The following DCDC1 variants were observed in gnomAD, a reference collection of about 807,000 sequenced individuals.
The protein encoded by DCDC1 is doublecortin domain-containing protein 1.
In DCDC1, 200 loss-of-function variants were observed where a neutral mutation model predicts 178.3. The ratio of observed to expected loss-of-function variants is 1.12; its 90% CI spans 1.00 to 1.26. The LOEUF (loss-of-function observed/expected upper bound fraction) is 1.26. DCDC1 is among the 50% of genes most tolerant of loss of function. The pLI is 0.00. For synonymous variants in DCDC1, 690 were observed against 604.8 expected, an observed-to-expected ratio of 1.14 and a Z score of -2.07; for missense variants, 1,983 against 1,749.2, an observed-to-expected ratio of 1.13 and a Z score of -2.38.
chr11:31,308,009 A>G, intron 3 of DCDC1, 101 bp from the exon 4 acceptor site: 1 of 1,447,164 alleles, frequency 6.9e-7, no homozygotes, highest in Middle Eastern at 1.9e-4. Flanking sequence ...GCTACACAAA[A>G]TACTACACAC....
At chr11:31,036,282 C>T (rs288468) in intron 20 of DCDC1, among the ~76,000 whole-genome samples, 78,210 of 151,994 alleles carry the variant, frequency 0.51, 20,777 homozygotes, top group African/African-American at 0.66. Flanking sequence ...TTGAGAAAGG[C>T]AAAAACTGTT....
chr11:30,873,277 G>A (rs140758385), intron 38 of DCDC1, among the ~76,000 whole-genome samples: 3 of 143,250 alleles, frequency 2.1e-5, no homozygotes, highest in Non-Finnish European at 4.5e-5. Flanking sequence ...CAAGAGGCAA[G>A]GAAAAATTTA....
intron 1 of DCDC1, among the ~76,000 whole-genome samples, chr11:31,362,031 T>G (rs966254077): frequency 1.3e-5 from 2 of 152,182 alleles, no homozygotes; most frequent in Non-Finnish European, 2.9e-5. Flanking sequence ...TACCTCTTCT[T>G]TTGCAGGATT....
intron 1 of DCDC1, among the ~76,000 whole-genome samples, chr11:31,354,365 T>G (rs868763799): frequency 6.6e-6 from 1 of 152,256 alleles, no homozygotes; most frequent in Non-Finnish European, 1.5e-5. Flanking sequence ...ATGTGAGTAC[T>G]GCAAAAGGAA....
At chr11:31,355,783 G>C (rs962361242) in intron 1 of DCDC1, among the ~76,000 whole-genome samples, 1 of 152,042 alleles carries the variant, frequency 6.6e-6, no homozygotes, top group Non-Finnish European at 1.5e-5. Flanking sequence ...TGGCCAGGCC[G>C]GTCTCGAGCT....
chr11:31,356,493 C>A (rs1266186652), intron 1 of DCDC1, among the ~76,000 whole-genome samples: 1 of 151,486 alleles, frequency 6.6e-6, no homozygotes, highest in African/African-American at 2.4e-5. Context: ...AGGAAAGATC[C>A]AAAATTGACA....
At chr11:31,094,385 G>C (rs576907542) in intron 15 of DCDC1, among the ~76,000 whole-genome samples, 1 of 152,258 alleles carries the variant, frequency 6.6e-6, no homozygotes, top group South Asian at 2.1e-4. Context: ...ACCCTATGCT[G>C]TGTGGTGTGG....
intron 1 of DCDC1, among the ~76,000 whole-genome samples, chr11:31,344,632 T>C (rs1950723804): frequency 6.6e-6 from 1 of 152,232 alleles, no homozygotes; most frequent in Admixed American, 6.5e-5. Context: ...TGTCAGCTAC[T>C]GGAGAACAGA....
At position 30,952,459 on chromosome 11, in the gene DCDC1, C is replaced by A; in HGVS notation, c.2701G>T (p.Gly901Cys). The change falls in exon 21 of 39, where the codon GGC becomes TGC. Residue 901 changes from glycine (G) to cysteine (C), a missense_variant. By Grantham distance (159) the Gly-to-Cys change is radical. Coordinates refer to ENST00000684477, the MANE Select transcript of DCDC1 (RefSeq NM_001387274.1). Reference sequence around the variant, plus strand: ...AGCAACACAACCTCATTAAGTTGGCCACTGGGAAGGACAGGCCACATGTAG... The same window carrying A: ...AGCAACACAACCTCATTAAGTTGGCAACTGGGAAGGACAGGCCACATGTAG... ...LTYMWPVLPS[G>C]QLNEEFDWPI... The A allele has an allele frequency of 6.4e-7, 1 of 1,567,198 alleles. No homozygotes were observed. The highest frequency in any genetic ancestry group is 8.6e-7 in the Non-Finnish European group (1 of 1,158,936).
Position 31,324,311 on chromosome 11 carries a change from G to GAA in DCDC1, c.164+3804_164+3805dup, listed in dbSNP as rs202004473. ...GGGGCATAAATCATTCCACCCAAAG[G>GAA]AAAAAAAAAAGGTTTTTTACTTGTG... On this transcript the variant is annotated intron_variant, in intron 3 of 38. Coordinates refer to ENST00000684477, the MANE Select transcript of DCDC1 (RefSeq NM_001387274.1). 2.1e-5 allele frequency among the ~76,000 whole-genome samples: 3 copies of GAA among 140,054 alleles called. No homozygotes were observed. In the East Asian group the frequency reaches 6.1e-4, roughly 29 times the overall value. 91.9% of individuals were successfully genotyped at this position (140,054 alleles called of 152,430 possible).
At chr11:30,989,228 G>T (rs290110) in intron 20 of DCDC1, among the ~76,000 whole-genome samples, 3,499 of 152,268 alleles carry the variant, frequency 0.023, 145 homozygotes, top group African/African-American at 0.08. Context: ...GTTAAATGAG[G>T]GGAATGCTTT....
intron 20 of DCDC1, among the ~76,000 whole-genome samples, chr11:30,988,508 A>G (rs1379951135): frequency 1.3e-5 from 2 of 152,044 alleles, no homozygotes; most frequent in Non-Finnish European, 2.9e-5. Flanking sequence ...TCTGTGACCT[A>G]ATCTCCTAAT....
chr11:30,962,304 G>A (rs1218467961), intron 20 of DCDC1, among the ~76,000 whole-genome samples: 1 of 151,830 alleles, frequency 6.6e-6, no homozygotes, highest in African/African-American at 2.4e-5. Flanking sequence ...CTGCCTTATT[G>A]TATATTCATG....
intron 20 of DCDC1, among the ~76,000 whole-genome samples, chr11:30,959,244 T>C (rs1045742241): frequency 6.6e-6 from 1 of 152,026 alleles, no homozygotes; most frequent in Non-Finnish European, 1.5e-5. Context: ...CCCCAACCCC[T>C]TGAGGCAGAA....
At chr11:31,076,800 T>C (rs993907878) in intron 18 of DCDC1, among the ~76,000 whole-genome samples, 1 of 152,130 alleles carries the variant, frequency 6.6e-6, no homozygotes, top group Non-Finnish European at 1.5e-5. Flanking sequence ...TCACACAGTG[T>C]CCCAGTGTGA....
At position 31,305,796 on chromosome 11, in the gene DCDC1, T is replaced by G; in HGVS notation, c.592-19A>C. On this transcript the variant is annotated intron_variant, in intron 5 of 38. Transcript: ENST00000684477. Reference sequence around the variant, plus strand: ...CCAGCAGCTAGAAGAAAGCAAGAGGTAAGTCAAAGTGATTTACTACAAAGA... The same window carrying G: ...CCAGCAGCTAGAAGAAAGCAAGAGGGAAGTCAAAGTGATTTACTACAAAGA... The G allele has an allele frequency of 6.2e-7, 1 of 1,610,000 alleles. No individual in the cohort carries two copies. Among genetic ancestry groups the G allele is most frequent in the Non-Finnish European group, 8.5e-7 (1 of 1,177,928 alleles).
At chr11:31,069,014 G>A (rs1956408774) in intron 18 of DCDC1, among the ~76,000 whole-genome samples, 1 of 152,000 alleles carries the variant, frequency 6.6e-6, no homozygotes, top group Non-Finnish European at 1.5e-5. Context: ...ACCACGCCTG[G>A]CTAATTTTTT....
At chr11:31,209,394 C>T (rs1163853699) in intron 9 of DCDC1, among the ~76,000 whole-genome samples, 1 of 152,094 alleles carries the variant, frequency 6.6e-6, no homozygotes, top group African/African-American at 2.4e-5. Flanking sequence ...TTCACAAAAG[C>T]CAGGGAGAAG....
intron 26 of DCDC1, among the ~76,000 whole-genome samples, chr11:30,916,465 AC>A (rs1396212505): frequency 1.3e-5 from 2 of 152,198 alleles, no homozygotes; most frequent in South Asian, 2.1e-4. Context: ...TTGGACATTG[AC>A]AAAAAACATT....
Sources: gnomAD v4.1 joint callset for allele counts (sites outside exome capture counted in the v4.1 genomes callset) on GRCh38, gnomAD v4.1.1 for gene constraint, MANE v1.5 for transcripts, NCBI Gene and HGNC (gene_info 2026-07-23, HGNC 2026-07-21) for gene names.